Variants in PCDHA5 observed in about 807,000 individuals in gnomAD.
PCDHA5 encodes protocadherin alpha-5.
In PCDHA5, 43 loss-of-function variants were observed where a neutral mutation model predicts 61.6. The observed-to-expected ratio is 0.70, with a 90% CI of 0.55 to 0.90. PCDHA5 has a LOEUF of 0.90. PCDHA5 is among the 40% of genes least tolerant of loss of function. The probability of loss-of-function intolerance (pLI) is 0.00; values close to 1 mark genes in which losing one functional copy is unlikely to be tolerated. For synonymous variants in PCDHA5, 627 were observed against 543.9 expected (o/e 1.15, Z -2.13); for missense variants, 1,298 against 1,222.7 (o/e 1.06, Z -0.92).
At chr5:140,869,392 G>A in intron 1 of PCDHA5, 1 of 1,614,164 alleles carries the variant, frequency 6.2e-7, no homozygotes, top group Non-Finnish European at 8.5e-7. Context: ...GGAGCTGTGC[G>A]GGCAGAGCGC....
intron 3 of PCDHA5, among the ~76,000 whole-genome samples, chr5:140,988,304 C>T (rs1554250029): frequency 6.6e-6 from 1 of 152,308 alleles, no homozygotes; most frequent in African/African-American, 2.4e-5. Flanking sequence ...GGAGTGCCAG[C>T]TTGGCTTGGC....
chr5:140,989,533 T>A (rs114286041), intron 3 of PCDHA5, among the ~76,000 whole-genome samples: 1 of 152,158 alleles, frequency 6.6e-6, no homozygotes, highest in Non-Finnish European at 1.5e-5. Context: ...AGGAGGAAGA[T>A]AGTTTGTAAT....
At chr5:140,967,051 G>A in intron 1 of PCDHA5, 1 of 1,612,562 alleles carries the variant, frequency 6.2e-7, no homozygotes, top group Non-Finnish European at 8.5e-7. Context: ...TGGACCTGAC[G>A]AGTGGAGCGC....
rs1554135944 is a variant in PCDHA5 at position 140,836,422 on chromosome 5, C to G, written c.2352+12295C>G. The G allele has an allele frequency of 1.2e-6, 2 of 1,613,670 alleles. No individual in the cohort carries two copies. The highest frequency in any genetic ancestry group is 2.7e-5 in the African/African-American group (2 of 74,856). On this transcript the variant is annotated intron_variant, in intron 1 of 3. Transcript: ENST00000529859. ...AGCGGCCAGGCACCAAAGGCGTCGT[C>G]GCGGGCATCGTTGGGCATTGCAGGC...
intron 1 of PCDHA5, among the ~76,000 whole-genome samples, chr5:140,960,384 A>G (rs1204813293): frequency 6.6e-6 from 1 of 152,198 alleles, no homozygotes. Flanking sequence ...GTGCCAAGAC[A>G]TTAGGATGCA....
At chr5:140,824,253 T>C in intron 1 of PCDHA5, 126 bp downstream of exon 1, 2 of 1,382,282 alleles carry the variant, frequency 1.4e-6, no homozygotes, top group South Asian at 1.3e-5. Flanking sequence ...TACACAATTA[T>C]TGCACTAATT....
chr5:140,981,465 T>C (rs1226815704), intron 2 of PCDHA5, among the ~76,000 whole-genome samples: 2 of 152,116 alleles, frequency 1.3e-5, no homozygotes, highest in Non-Finnish European at 1.5e-5. Context: ...TCCCAGCTAC[T>C]TGGGAGGCTG....
In PCDHA5 at chr5:140,822,165, CA is replaced by C. The variant is rs1194001940; in HGVS notation, c.391del (p.Arg131GlyfsTer12). ...TGAAGGACATCAATGACAATCCGCC[CA>C]GGTTCTCCAGACAAGAACAAAGATT... Reference protein sequence around the residue: ...AVKDINDNPPRFSRQEQRLFI... With the variant: ...AVKDINDNPPXFSRQEQRLFI... On this transcript the variant is annotated frameshift_variant, in exon 1 of 4. Coordinates refer to ENST00000529859, the MANE Select transcript of PCDHA5 (RefSeq NM_018908.3). LOFTEE classifies it high-confidence loss of function. The C allele has an allele frequency of 2.5e-6, 4 of 1,614,120 alleles. No individual in the cohort carries two copies. The African/African-American group carries it at 5.3e-5, about 22-fold the overall frequency.
intron 3 of PCDHA5, among the ~76,000 whole-genome samples, chr5:141,000,423 T>TC (rs2097932931): frequency 9.0e-5 from 6 of 66,856 alleles, no homozygotes; most frequent in African/African-American, 3.6e-4. Flanking sequence ...ATATATATAT[T>TC]TTTTTTTTTT....
rs2150396566 is a variant in PCDHA5, at chr5:140,846,990, G to A, written c.2352+22863G>A. 7.1e-4 allele frequency among the ~76,000 whole-genome samples: 106 copies of A among 149,506 alleles called. 4 individuals are homozygous for A. In the South Asian group the frequency reaches 0.022, roughly 31 times the overall value. On this transcript the variant is annotated intron_variant, in intron 1 of 3. Coordinates refer to ENST00000529859, the MANE Select transcript of PCDHA5 (RefSeq NM_018908.3). The stretch of plus-strand genomic sequence containing the variant: ...GTTTTAAAATAAGTAAGTTCCCCCC[G>A]GGAGAATATTGAGAATGATAGACAT...
At chr5:140,884,585 A>C in intron 1 of PCDHA5, 2 of 1,614,190 alleles carry the variant, frequency 1.2e-6, no homozygotes, top group Non-Finnish European at 1.7e-6. Context: ...CATGGCCTTC[A>C]GTCCCAGCCT....
chr5:140,870,195 C>T, intron 1 of PCDHA5: 1 of 1,614,178 alleles, frequency 6.2e-7, no homozygotes, highest in Non-Finnish European at 8.5e-7. Flanking sequence ...ACGCTCAGCC[C>T]AGCACGGTCA....
At chr5:140,882,225 C>T (rs782533520) in intron 1 of PCDHA5, 9 of 1,559,344 alleles carry the variant, frequency 5.8e-6, no homozygotes, top group Middle Eastern at 1.7e-4. Flanking sequence ...TGAGGTAAGG[C>T]GTTGTATATA....
chr5:140,970,157 C>T (rs2096386547), intron 1 of PCDHA5, among the ~76,000 whole-genome samples: 2 of 152,176 alleles, frequency 1.3e-5, no homozygotes, highest in African/African-American at 4.8e-5. Context: ...TCCCAATAGT[C>T]ACCTTTCTTG....
In PCDHA5 at chr5:140,876,730, G is replaced by A. The variant is rs1338047769; in HGVS notation, c.2352+52603G>A. ...CGCCCTGGACCGCGAGAGCGTGTCG[G>A]CCTATGAGCTGGTGGTGACTGCGCG... On this transcript the variant is annotated intron_variant, in intron 1 of 3. Transcript: ENST00000529859. 1.2e-6 allele frequency: 2 copies of A among 1,614,254 alleles called. No individual in the cohort carries two copies. The highest frequency in any genetic ancestry group is 1.7e-6 in the Non-Finnish European group (2 of 1,180,050).
chr5:140,841,707 AC>A (rs2150321294), intron 1 of PCDHA5: 1 of 1,613,698 alleles, frequency 6.2e-7, no homozygotes. Flanking sequence ...GTTAATGACA[AC>A]CCGCCAGTGT....
intron 1 of PCDHA5, chr5:140,883,738 C>T (rs149972776): frequency 2.5e-5 from 41 of 1,613,276 alleles, no homozygotes; most frequent in Non-Finnish European, 3.3e-5. Flanking sequence ...ACGCGCTGGT[C>T]TCCTACTCGC....
At chr5:140,882,375 C>G (rs879994353) in intron 1 of PCDHA5, 2 of 1,614,094 alleles carry the variant, frequency 1.2e-6, no homozygotes, top group Non-Finnish European at 1.7e-6. Context: ...TACTCCGTCC[C>G]CGAGGAAGCA....
At chr5:140,924,901 AAAAATAAAAT>A (rs10667761) in intron 1 of PCDHA5, among the ~76,000 whole-genome samples, 1,500 of 80,408 alleles carry the variant, frequency 0.019, 14 homozygotes, top group African/African-American at 0.052. Context: ...TCTCAAAAAA[AAAAATAAAAT>A]AAAATAAAAT....
Sources: gnomAD v4.1 joint callset for allele counts (sites outside exome capture counted in the v4.1 genomes callset) on GRCh38, gnomAD v4.1.1 for gene constraint, MANE v1.5 for transcripts, NCBI Gene and HGNC (gene_info 2026-07-23, HGNC 2026-07-21) for gene names.